Variants in CFAP299 observed in about 807,000 individuals in gnomAD.
The protein encoded by CFAP299 is cilia and flagella associated protein 299.
CFAP299 carries 21 observed loss-of-function variants against 27.0 expected under a neutral mutation model. The ratio of observed to expected loss-of-function variants is 0.78; its 90% CI spans 0.55 to 1.12. The LOEUF (loss-of-function observed/expected upper bound fraction) is 1.12, where lower values mean the gene tolerates loss of function less well. CFAP299 is among the 50% of genes most tolerant of loss of function. The probability of loss-of-function intolerance (pLI) is 0.00; values close to 1 mark genes in which losing one functional copy is unlikely to be tolerated. For missense variants in CFAP299, 310 were observed against 276.6 expected (o/e 1.12, Z -0.86); for synonymous variants, 104 against 98.1 (o/e 1.06, Z -0.36).
At chr4:80,390,741 A>G (rs1474940337) in intron 2 of CFAP299, among the ~76,000 whole-genome samples, 2 of 138,412 alleles carry the variant, frequency 1.4e-5, no homozygotes, top group African/African-American at 2.9e-5. Context: ...ATATGTATAT[A>G]TGTATATATA....
At chr4:80,899,952 G>T (rs1258034281) in intron 4 of CFAP299, among the ~76,000 whole-genome samples, 1 of 152,110 alleles carries the variant, frequency 6.6e-6, no homozygotes, top group Non-Finnish European at 1.5e-5. Flanking sequence ...CTGGAAATAG[G>T]TAAAACATTG....
chr4:80,431,771 G>A (rs1727829568), intron 2 of CFAP299, among the ~76,000 whole-genome samples: 1 of 152,170 alleles, frequency 6.6e-6, no homozygotes, highest in Admixed American at 6.5e-5. Flanking sequence ...AAACTCTGCA[G>A]CTGGCAGCTC....
At chr4:80,687,699 T>A (rs948938975) in intron 3 of CFAP299, among the ~76,000 whole-genome samples, 3 of 152,150 alleles carry the variant, frequency 2.0e-5, no homozygotes, top group Non-Finnish European at 2.9e-5. Flanking sequence ...GATGGCCGAA[T>A]AGGAACAGCT....
In CFAP299 at chr4:80,939,388, C is replaced by T. The variant is rs539137019; in HGVS notation, c.477-5422C>T. 1.3e-3 allele frequency among the ~76,000 whole-genome samples: 194 copies of T among 152,204 alleles called. 1 individual carries two copies. The highest frequency in any genetic ancestry group is 2.4e-3 in the Non-Finnish European group (165 of 67,998). ...ATTCTTTGTCTTTTTAGTCCTCTGACTGGATAATTTCAAATGATCTGTCTT... is the reference window on the plus strand; with the variant it reads ...ATTCTTTGTCTTTTTAGTCCTCTGATTGGATAATTTCAAATGATCTGTCTT... On this transcript the variant is annotated intron_variant, in intron 4 of 5. Transcript: ENST00000358105.
intron 4 of CFAP299, among the ~76,000 whole-genome samples, chr4:80,885,443 T>G (rs1475693600): frequency 6.6e-6 from 1 of 152,060 alleles, no homozygotes; most frequent in Admixed American, 6.5e-5. Flanking sequence ...GCAGTGCAGC[T>G]CACAGCAACA....
intron 4 of CFAP299, among the ~76,000 whole-genome samples, chr4:80,891,786 A>ATT (rs1734300414): frequency 1.0e-5 from 1 of 99,396 alleles, no homozygotes; most frequent in African/African-American, 7.0e-5. Flanking sequence ...ATTAAAAAAA[A>ATT]AATAAAAAAA....
chr4:80,840,291 A>C (rs1358954714), intron 3 of CFAP299, among the ~76,000 whole-genome samples: 1 of 152,132 alleles, frequency 6.6e-6, no homozygotes, highest in Non-Finnish European at 1.5e-5. Flanking sequence ...ACATCTATCA[A>C]AAGTGTTTAC....
intron 3 of CFAP299, among the ~76,000 whole-genome samples, chr4:80,752,990 C>G (rs1227852753): frequency 6.6e-6 from 1 of 151,898 alleles, no homozygotes; most frequent in Non-Finnish European, 1.5e-5. Context: ...TACACTGATA[C>G]TGTCCTTTAG....
chr4:80,731,017 A>G lies in CFAP299; in HGVS notation c.334-138976A>G, dbSNP rs568917371. Among the ~76,000 whole-genome samples, 5 of 152,244 alleles carry G rather than the reference A, an allele frequency of 3.3e-5. No homozygotes were observed. The East Asian group carries it at 9.7e-4, about 29-fold the overall frequency. On this transcript the variant is annotated intron_variant, in intron 3 of 5. Coordinates refer to ENST00000358105, the MANE Select transcript of CFAP299 (RefSeq NM_152770.3). ...TAATGTACTATCTACTATTTTTGCA[A>G]TATCTTATTATTATACATATTATTT... is the stretch of plus-strand genomic sequence containing the variant.
At chr4:80,553,125 A>G (rs1041479968) in intron 2 of CFAP299, among the ~76,000 whole-genome samples, 4 of 152,036 alleles carry the variant, frequency 2.6e-5, no homozygotes, top group Non-Finnish European at 5.9e-5. Context: ...TGAGTGCCCA[A>G]TAGTTATCTG....
At chr4:80,755,011 CACA>C (rs1725154379) in intron 3 of CFAP299, among the ~76,000 whole-genome samples, 1 of 152,062 alleles carries the variant, frequency 6.6e-6, no homozygotes, top group South Asian at 2.1e-4. Context: ...ATTGTCAAGA[CACA>C]ACAAGAGATC....
intron 3 of CFAP299, among the ~76,000 whole-genome samples, chr4:80,791,842 A>G: frequency 6.6e-6 from 1 of 151,090 alleles, no homozygotes; most frequent in East Asian, 1.9e-4. Flanking sequence ...ATTGACAGAT[A>G]TATATATATA....
chr4:80,428,705 T>G (rs1439327953), intron 2 of CFAP299, among the ~76,000 whole-genome samples: 3 of 27,048 alleles, frequency 1.1e-4, no homozygotes, highest in Admixed American at 6.7e-4. Flanking sequence ...TTTTTTTTTT[T>G]TTGTTTGTAT....
chr4:80,420,960 C>T (rs1727261165), intron 2 of CFAP299, among the ~76,000 whole-genome samples: 1 of 152,142 alleles, frequency 6.6e-6, no homozygotes, highest in Admixed American at 6.5e-5. Flanking sequence ...CTCTTCTTGG[C>T]CTTTCCATGC....
intron 2 of CFAP299, among the ~76,000 whole-genome samples, chr4:80,419,086 A>G (rs1727161893): frequency 6.6e-6 from 1 of 152,204 alleles, no homozygotes; most frequent in Non-Finnish European, 1.5e-5. Context: ...AAAGAATTTG[A>G]CTGAGGACCA....
intron 3 of CFAP299, among the ~76,000 whole-genome samples, chr4:80,681,829 A>C (rs947829828): frequency 2.6e-5 from 4 of 152,164 alleles, no homozygotes; most frequent in African/African-American, 9.7e-5. Flanking sequence ...GATGTGTGGA[A>C]ACTGGAGAAG....
At chr4:80,870,389 T>C (rs1201592390) in intron 4 of CFAP299, 17 of 1,124,768 alleles carry the variant, frequency 1.5e-5, no homozygotes, top group Non-Finnish European at 1.5e-5. Flanking sequence ...TAATGATAAG[T>C]AGTGCCTAAA....
intron 3 of CFAP299, among the ~76,000 whole-genome samples, chr4:80,808,689 A>G (rs534474639): frequency 2.0e-5 from 3 of 152,264 alleles, no homozygotes; most frequent in Admixed American, 1.3e-4. Context: ...TGTGCTGCAC[A>G]TGTTAGGCAT....
intron 3 of CFAP299, among the ~76,000 whole-genome samples, chr4:80,838,607 G>A (rs1185606990): frequency 6.6e-6 from 1 of 152,032 alleles, no homozygotes; most frequent in African/African-American, 2.4e-5. Flanking sequence ...CCTCTGTTCT[G>A]TTCCTTTGGT....
Sources: allele counts gnomAD v4.1 joint callset (sites outside exome capture counted in the v4.1 genomes callset), GRCh38; gene constraint gnomAD v4.1.1; transcripts MANE v1.5; gene names NCBI Gene and HGNC (gene_info 2026-07-23, HGNC 2026-07-21).